CTNNA2: variants seen among roughly 807,000 people sequenced by gnomAD.
CTNNA2 encodes the protein catenin alpha-2.
CTNNA2 carries 42 observed loss-of-function variants against 101.0 expected under a neutral mutation model. The observed-to-expected ratio is 0.42, with a 90% CI of 0.32 to 0.54. The LOEUF (loss-of-function observed/expected upper bound fraction) is 0.54. Among genes scored for constraint, CTNNA2 ranks in the 20% least tolerant of loss-of-function variants. The pLI, the probability that CTNNA2 is intolerant of heterozygous loss-of-function variation, is 0.14. For missense variants in CTNNA2, 871 were observed against 1,223.1 expected (o/e 0.71, Z 4.29); for synonymous variants, 450 against 456.4 (o/e 0.99, Z 0.18).
intron 9 of CTNNA2, among the ~76,000 whole-genome samples, chr2:80,538,598 A>G (rs560173071): frequency 1.3e-5 from 2 of 152,284 alleles, no homozygotes; most frequent in Admixed American, 1.3e-4. Context: ...GTGTTTTGGT[A>G]CCAGCACCAT....
At chr2:79,807,800 C>A (rs1676696119) in intron 3 of CTNNA2, among the ~76,000 whole-genome samples, 2 of 152,008 alleles carry the variant, frequency 1.3e-5, no homozygotes. Flanking sequence ...AGATATTGTT[C>A]TGAGGGGCAA....
chr2:80,372,015 G>A (rs372135242), intron 7 of CTNNA2, among the ~76,000 whole-genome samples: 1 of 152,144 alleles, frequency 6.6e-6, no homozygotes, highest in East Asian at 1.9e-4. Context: ...CATAAAACTT[G>A]TCGTCCGAAT....
chr2:79,446,455 A>G (rs1678834504), intron 4 of CTNNA2, among the ~76,000 whole-genome samples: 1 of 152,050 alleles, frequency 6.6e-6, no homozygotes, highest in Non-Finnish European at 1.5e-5. Context: ...ATTAGAGGAC[A>G]CCACCGTGGT....
intron 7 of CTNNA2, among the ~76,000 whole-genome samples, chr2:79,913,796 T>A (rs1458092956): frequency 1.3e-5 from 2 of 152,226 alleles, no homozygotes; most frequent in Non-Finnish European, 1.5e-5. Flanking sequence ...CAGTTGCAGT[T>A]GTATCAATTG....
chr2:79,456,258 T>A (rs383974), intron 4 of CTNNA2, among the ~76,000 whole-genome samples: 61,080 of 151,412 alleles, frequency 0.4, 12,456 homozygotes, highest in South Asian at 0.49. Context: ...TATCTTAGAA[T>A]CTGTCTTTTG....
At chr2:80,593,420 A>G (rs1400998903) in intron 15 of CTNNA2, among the ~76,000 whole-genome samples, 1 of 152,022 alleles carries the variant, frequency 6.6e-6, no homozygotes, top group Non-Finnish European at 1.5e-5. Flanking sequence ...TATCTAAATG[A>G]CTGTAGCTCA....
At chr2:80,004,937 C>T (rs1574517639) in intron 7 of CTNNA2, among the ~76,000 whole-genome samples, 2 of 152,246 alleles carry the variant, frequency 1.3e-5, no homozygotes, top group East Asian at 1.9e-4. Flanking sequence ...TCCTTGTAAT[C>T]TGCTGGCCCC....
At chr2:80,521,379 C>A (rs1373468629) in intron 9 of CTNNA2, among the ~76,000 whole-genome samples, 1 of 152,196 alleles carries the variant, frequency 6.6e-6, no homozygotes, top group East Asian at 1.9e-4. Flanking sequence ...AGAATCATTG[C>A]TCCCTGATCC....
At chr2:79,409,483 G>A (rs1678382226) in intron 4 of CTNNA2, among the ~76,000 whole-genome samples, 2 of 151,894 alleles carry the variant, frequency 1.3e-5, no homozygotes, top group African/African-American at 4.8e-5. Context: ...TGTATAAGGT[G>A]TAAGGAAGGG....
chr2:79,448,233 G>A (rs1678854336), intron 4 of CTNNA2, among the ~76,000 whole-genome samples: 1 of 151,916 alleles, frequency 6.6e-6, no homozygotes, highest in African/African-American at 2.4e-5. Context: ...AATTTGTGAA[G>A]GAAACTCTCT....
intron 9 of CTNNA2, among the ~76,000 whole-genome samples, chr2:80,487,250 C>T (rs1244176017): frequency 6.8e-6 from 1 of 146,078 alleles, no homozygotes; most frequent in African/African-American, 2.5e-5. Context: ...CACTGCACTC[C>T]AGCCTGGGCG....
chr2:80,042,588 C>G (rs185359183), intron 7 of CTNNA2, among the ~76,000 whole-genome samples: 1 of 151,922 alleles, frequency 6.6e-6, no homozygotes, highest in East Asian at 1.9e-4. Context: ...AACAATGTGT[C>G]GAGAAGGATC....
intron 12 of CTNNA2, among the ~76,000 whole-genome samples, chr2:80,558,382 C>A (rs1277795256): frequency 6.6e-6 from 1 of 151,982 alleles, no homozygotes; most frequent in Non-Finnish European, 1.5e-5. Flanking sequence ...AAAGTAGACA[C>A]GTGGAGTTTG....
At chr2:79,336,831 G>A (rs1435979225) in intron 3 of CTNNA2, among the ~76,000 whole-genome samples, 5 of 152,134 alleles carry the variant, frequency 3.3e-5, no homozygotes, top group African/African-American at 4.8e-5. Context: ...TCTTGAAAGA[G>A]GAAATGCGTG....
chr2:80,489,294 A>C (rs911195314), intron 9 of CTNNA2, among the ~76,000 whole-genome samples: 7 of 152,230 alleles, frequency 4.6e-5, no homozygotes, highest in African/African-American at 1.7e-4. Context: ...GTTTATAAGC[A>C]GCATTTGATG....
chr2:80,173,083 CA>C (rs1261654047), intron 7 of CTNNA2, among the ~76,000 whole-genome samples: 1 of 152,142 alleles, frequency 6.6e-6, no homozygotes, highest in East Asian at 1.9e-4. Context: ...AATTTGTATG[CA>C]CATTAAAGTT....
intron 7 of CTNNA2, among the ~76,000 whole-genome samples, chr2:80,352,017 C>T (rs1207590346): frequency 2.0e-5 from 3 of 152,082 alleles, no homozygotes; most frequent in Non-Finnish European, 4.4e-5. Context: ...TAATAGGGTG[C>T]TATGCTTTTG....
intron 8 of CTNNA2, among the ~76,000 whole-genome samples, chr2:80,399,395 A>G (rs975361067): frequency 6.6e-6 from 1 of 152,146 alleles, no homozygotes; most frequent in East Asian, 1.9e-4. Flanking sequence ...AAGTGGTTCA[A>G]TTTATTTCTA....
chr2:80,628,107 CAA>C (rs891695662), intron 18 of CTNNA2, among the ~76,000 whole-genome samples: 9 of 151,884 alleles, frequency 5.9e-5, no homozygotes, highest in Admixed American at 1.3e-4. Context: ...CTCAAGGAAA[CAA>C]GAGAGGACAC....
Sources: gnomAD v4.1 joint callset for allele counts (sites outside exome capture counted in the v4.1 genomes callset) on GRCh38, gnomAD v4.1.1 for gene constraint, MANE v1.5 for transcripts, NCBI Gene and HGNC (gene_info 2026-07-23, HGNC 2026-07-21) for gene names.